AK7: variants seen among roughly 807,000 people sequenced by gnomAD.
AK7 encodes ATP-AMP transphosphorylase 7.
AK7 carries 78 observed loss-of-function variants against 96.6 expected under a neutral mutation model. The ratio of observed to expected loss-of-function variants is 0.81; its 90% CI spans 0.67 to 0.97. The LOEUF is 0.97. Among genes scored for constraint, AK7 ranks in the 50% least tolerant of loss-of-function variants. AK7 has a pLI of 0.00. For missense variants in AK7, 855 were observed against 887.9 expected, an observed-to-expected ratio of 0.96 and a Z score of 0.47; for synonymous variants, 302 against 317.2, an observed-to-expected ratio of 0.95 and a Z score of 0.51.
At chr14:96,482,868 A>G in intron 15 of AK7, 131 bp from the exon 16 acceptor site, 1 of 933,512 alleles carries the variant, frequency 1.1e-6, no homozygotes, top group Non-Finnish European at 1.6e-6. Context: ...TATGCTGGCA[A>G]TTAGAAAAGA....
At chr14:96,439,931 A>G (rs1460323491) in intron 6 of AK7, among the ~76,000 whole-genome samples, 1 of 152,110 alleles carries the variant, frequency 6.6e-6, no homozygotes, top group Non-Finnish European at 1.5e-5. Flanking sequence ...TGTAGTCAAG[A>G]GAGGTTGGTT....
At chr14:96,434,222 A>G (rs1344799935) in intron 5 of AK7, among the ~76,000 whole-genome samples, 1 of 152,212 alleles carries the variant, frequency 6.6e-6, no homozygotes, top group Non-Finnish European at 1.5e-5. Flanking sequence ...CAGATATTCA[A>G]AAGGACATGG....
intron 1 of AK7, among the ~76,000 whole-genome samples, chr14:96,393,985 T>C (rs1227994271): frequency 6.6e-6 from 1 of 151,986 alleles, no homozygotes. Flanking sequence ...GGCAGGCGCC[T>C]ATAATCTCAG....
chr14:96,473,689 T>A (rs1489125435), intron 14 of AK7, among the ~76,000 whole-genome samples: 1 of 152,138 alleles, frequency 6.6e-6, no homozygotes, highest in Admixed American at 6.6e-5. Context: ...CTGAAATGAA[T>A]AGAAATCCCT....
intron 14 of AK7, among the ~76,000 whole-genome samples, chr14:96,473,678 G>A (rs1895027834): frequency 6.6e-6 from 1 of 152,032 alleles, no homozygotes; most frequent in South Asian, 2.1e-4. Flanking sequence ...ATATTAAATT[G>A]CTGAAATGAA....
chr14:96,478,715 TG>T (rs1316373090), intron 15 of AK7, 53 bp downstream of exon 15: 12 of 1,568,718 alleles, frequency 7.6e-6, no homozygotes, highest in Non-Finnish European at 9.6e-6. Context: ...CAGCAAAGCT[TG>T]GTGCAGGTCT....
At chr14:96,419,756 T>A (rs1014310471) in intron 4 of AK7, among the ~76,000 whole-genome samples, 1 of 151,738 alleles carries the variant, frequency 6.6e-6, no homozygotes, top group Admixed American at 6.6e-5. Flanking sequence ...ATTATAAAAT[T>A]TGTCTCCTAA....
At chr14:96,443,401 T>A (rs1006606940) in intron 7 of AK7, among the ~76,000 whole-genome samples, 1 of 152,202 alleles carries the variant, frequency 6.6e-6, no homozygotes, top group African/African-American at 2.4e-5. Context: ...TTCCGGGGAC[T>A]TCATTCTGTC....
In AK7 at chr14:96,449,904, T is replaced by TG. The variant is rs1167427733; in HGVS notation, c.948+25_948+26insG. 4.6e-6 allele frequency: 7 copies of TG among 1,509,958 alleles called. 1 individual carries two copies. Among genetic ancestry groups the TG allele is most frequent in the Non-Finnish European group, 6.3e-6 (7 of 1,108,264 alleles). 93.5% of individuals were successfully genotyped at this position (1,509,958 alleles called of 1,614,324 possible). A position where few individuals can be genotyped will look rare whatever the true frequency, so the allele number is the denominator to read the frequency against. ...GGTTAGTATATGCGGTGTTTTTTTT[T>TG]TTTTAACTATCTTTCTCAATAATAT... On this transcript the variant is annotated intron_variant, in intron 9 of 17. Coordinates refer to ENST00000267584, the MANE Select transcript of AK7 (RefSeq NM_152327.5).
intron 16 of AK7, 106 bp from the exon 17 acceptor site, chr14:96,486,792 T>C (rs1895791426): frequency 1.0e-6 from 1 of 980,584 alleles, no homozygotes; most frequent in Non-Finnish European, 1.5e-6. Context: ...GTATCATAGA[T>C]GGTGACCATT....
intron 5 of AK7, among the ~76,000 whole-genome samples, chr14:96,432,897 G>A (rs1285693684): frequency 1.3e-5 from 2 of 152,006 alleles, no homozygotes; most frequent in Non-Finnish European, 2.9e-5. Flanking sequence ...GGGAGGCTGA[G>A]GCAGGAGAAT....
intron 12 of AK7, among the ~76,000 whole-genome samples, chr14:96,461,914 A>G (rs1431390633): frequency 1.3e-5 from 2 of 152,206 alleles, no homozygotes; most frequent in Non-Finnish European, 2.9e-5. Context: ...AAGACATATA[A>G]TTGGCCTTTG....
At chr14:96,477,640 T>A (rs73351155) in intron 14 of AK7, among the ~76,000 whole-genome samples, 3,202 of 152,322 alleles carry the variant, frequency 0.021, 115 homozygotes, top group African/African-American at 0.073. Context: ...GCTTTCACAG[T>A]TTAAAAGAAA....
At chr14:96,488,075 G>C (rs1305588537) in intron 17 of AK7, 4 of 423,662 alleles carry the variant, frequency 9.4e-6, no homozygotes, top group Non-Finnish European at 1.8e-5. Flanking sequence ...ACCACACTCA[G>C]CTAATGTTTT....
At chr14:96,474,598 C>G (rs1295836777) in intron 14 of AK7, among the ~76,000 whole-genome samples, 1 of 151,824 alleles carries the variant, frequency 6.6e-6, no homozygotes, top group Non-Finnish European at 1.5e-5. Context: ...GCACTCCAGC[C>G]TGGGCAACAG....
intron 12 of AK7, among the ~76,000 whole-genome samples, chr14:96,468,830 A>ATT (rs772885294): frequency 6.9e-6 from 1 of 145,538 alleles, no homozygotes; most frequent in African/African-American, 2.5e-5. Context: ...GATACATTTA[A>ATT]TTTTTTTTTT....
chr14:96,431,564 G>T (rs968601147), intron 5 of AK7, among the ~76,000 whole-genome samples: 2 of 152,196 alleles, frequency 1.3e-5, no homozygotes, highest in African/African-American at 4.8e-5. Context: ...ATGTTATGCG[G>T]TTTTGAGTGA....
chr14:96,437,550 G>T (rs151265436), intron 5 of AK7, among the ~76,000 whole-genome samples: 1 of 151,934 alleles, frequency 6.6e-6, no homozygotes, highest in South Asian at 2.1e-4. Context: ...TTCCCCCTCA[G>T]TGCCGAGCAT....
chr14:96,439,784 C>T (rs1384549608), intron 6 of AK7, among the ~76,000 whole-genome samples: 3 of 151,242 alleles, frequency 2.0e-5, no homozygotes, highest in Non-Finnish European at 4.4e-5. Context: ...CTAGGTAGGA[C>T]AAAAGTCTAA....
Sources: allele counts gnomAD v4.1 joint callset (sites outside exome capture counted in the v4.1 genomes callset), GRCh38; gene constraint gnomAD v4.1.1; transcripts MANE v1.5; gene names NCBI Gene and HGNC (gene_info 2026-07-23, HGNC 2026-07-21).